CADPS2: variants seen among roughly 807,000 people sequenced by gnomAD.
CADPS2 encodes calcium-dependent secretion activator 2.
Under a neutral mutation model 172.5 loss-of-function variants are expected in CADPS2, and 93 were observed. That is an observed-to-expected ratio of 0.54 (90% CI 0.46 to 0.64). The LOEUF (loss-of-function observed/expected upper bound fraction) is 0.64. CADPS2 is among the 30% of genes least tolerant of loss of function. The pLI, the probability that CADPS2 is intolerant of heterozygous loss-of-function variation, is 0.00. For missense variants in CADPS2, 1,420 were observed against 1,565.9 expected (o/e 0.91, Z 1.57); for synonymous variants, 546 against 555.2 (o/e 0.98, Z 0.23).
At chr7:122,855,164 C>T (rs1412353448) in intron 1 of CADPS2, among the ~76,000 whole-genome samples, 1 of 152,130 alleles carries the variant, frequency 6.6e-6, no homozygotes, top group Non-Finnish European at 1.5e-5. Flanking sequence ...AAGAGGGTTG[C>T]TATTTTCCTG....
chr7:122,472,622 A>C (rs1014295492), intron 13 of CADPS2, among the ~76,000 whole-genome samples: 5 of 152,196 alleles, frequency 3.3e-5, no homozygotes, highest in Non-Finnish European at 7.3e-5. Flanking sequence ...GGTCAACAAC[A>C]AAATCAAAAC....
At chr7:122,698,779 T>C in intron 2 of CADPS2, 5 of 1,613,998 alleles carry the variant, frequency 3.1e-6, no homozygotes, top group Non-Finnish European at 4.2e-6. Context: ...ATTCCCAACA[T>C]GAAATGATAT....
At chr7:122,509,198 C>A (rs897601076) in intron 9 of CADPS2, among the ~76,000 whole-genome samples, 1 of 152,056 alleles carries the variant, frequency 6.6e-6, no homozygotes, top group Non-Finnish European at 1.5e-5. Context: ...CTGAATATTT[C>A]AGAAATCAAT....
At chr7:122,697,891 G>A in intron 2 of CADPS2, 1 of 1,613,338 alleles carries the variant, frequency 6.2e-7, no homozygotes, top group South Asian at 1.1e-5. Flanking sequence ...TGAGGTTCCT[G>A]CAGGAGAAAC....
intron 3 of CADPS2, among the ~76,000 whole-genome samples, chr7:122,661,797 A>G (rs1588214113): frequency 1.3e-5 from 2 of 152,194 alleles, no homozygotes; most frequent in African/African-American, 4.8e-5. Context: ...AGCTCAACAA[A>G]TATCTACTGA....
intron 8 of CADPS2, among the ~76,000 whole-genome samples, chr7:122,533,747 C>G (rs1157220889): frequency 6.6e-6 from 1 of 152,072 alleles, no homozygotes; most frequent in African/African-American, 2.4e-5. Flanking sequence ...TTAAACGATT[C>G]TCAATATGTA....
intron 4 of CADPS2, among the ~76,000 whole-genome samples, chr7:122,625,742 T>A (rs1488232199): frequency 2.0e-5 from 3 of 152,038 alleles, no homozygotes; most frequent in African/African-American, 7.2e-5. Context: ...AGCCAATTCC[T>A]TGAACGCAAT....
At chr7:122,809,776 A>G (rs1233774554) in intron 1 of CADPS2, among the ~76,000 whole-genome samples, 6 of 152,170 alleles carry the variant, frequency 3.9e-5, no homozygotes, top group African/African-American at 1.2e-4. Context: ...CCTGGAATGT[A>G]TAAGTTCATG....
chr7:122,708,461 G>GATATAT (rs3034549), intron 2 of CADPS2, among the ~76,000 whole-genome samples: 45 of 128,202 alleles, frequency 3.5e-4, no homozygotes, highest in African/African-American at 1.1e-3. Context: ...TATGTGTGTG[G>GATATAT]ATATATATAT....
At chr7:122,461,663 C>T (rs1035288522) in intron 14 of CADPS2, among the ~76,000 whole-genome samples, 13 of 152,202 alleles carry the variant, frequency 8.5e-5, no homozygotes, top group Non-Finnish European at 5.9e-5. Flanking sequence ...GGCGCCATCT[C>T]GGCTCACTGC....
intron 6 of CADPS2, among the ~76,000 whole-genome samples, chr7:122,614,491 GA>G (rs538782412): frequency 1.8e-4 from 28 of 151,808 alleles, no homozygotes; most frequent in African/African-American, 4.6e-4. Context: ...TTAAATAGAA[GA>G]AAAAAAATGT....
At chr7:122,366,558 T>C (rs1180546542) in intron 25 of CADPS2, among the ~76,000 whole-genome samples, 1 of 148,380 alleles carries the variant, frequency 6.7e-6, no homozygotes, top group Non-Finnish European at 1.5e-5. Flanking sequence ...TGAGTCGAGA[T>C]TGCGCCACTG....
At chr7:122,730,251 A>AAAT (rs879944887) in intron 2 of CADPS2, among the ~76,000 whole-genome samples, 3 of 151,736 alleles carry the variant, frequency 2.0e-5, no homozygotes, top group Non-Finnish European at 4.4e-5. Flanking sequence ...CACTAATAGC[A>AAAT]AATAATAATA....
intron 27 of CADPS2, among the ~76,000 whole-genome samples, chr7:122,350,502 TA>T (rs1010303775): frequency 6.6e-6 from 1 of 152,192 alleles, no homozygotes; most frequent in Non-Finnish European, 1.5e-5. Context: ...TGTTCTCACA[TA>T]AAAAAGGTTT....
intron 1 of CADPS2, chr7:122,850,195 C>A: frequency 3.6e-6 from 4 of 1,098,220 alleles, no homozygotes; most frequent in Non-Finnish European, 4.9e-6. Flanking sequence ...TGATAGAGTA[C>A]CCTGAGGCTA....
chr7:122,491,673 A>T (rs1468798592), intron 9 of CADPS2, among the ~76,000 whole-genome samples: 2 of 152,150 alleles, frequency 1.3e-5, no homozygotes, highest in African/African-American at 4.8e-5. Flanking sequence ...TCAAGCTTCT[A>T]TATTAATAGA....
intron 1 of CADPS2, among the ~76,000 whole-genome samples, chr7:122,841,169 T>C (rs1349342198): frequency 6.6e-6 from 1 of 152,144 alleles, no homozygotes; most frequent in Non-Finnish European, 1.5e-5. Flanking sequence ...AGTCAAACTA[T>C]CAAATTTGTT....
chr7:122,398,571 G>A (rs1419546672), intron 20 of CADPS2, among the ~76,000 whole-genome samples: 2 of 152,134 alleles, frequency 1.3e-5, no homozygotes, highest in Non-Finnish European at 2.9e-5. Flanking sequence ...TCAACCCTGA[G>A]CAATGCAAGC....
chr7:122,347,967 A>C (rs1034951022), intron 27 of CADPS2, among the ~76,000 whole-genome samples: 3 of 152,200 alleles, frequency 2.0e-5, no homozygotes, highest in African/African-American at 7.2e-5. Flanking sequence ...ATAGCAAGTT[A>C]ACTCAGTATC....
Sources: allele counts gnomAD v4.1 joint callset (sites outside exome capture counted in the v4.1 genomes callset), GRCh38; gene constraint gnomAD v4.1.1; transcripts MANE v1.5; gene names NCBI Gene and HGNC (gene_info 2026-07-23, HGNC 2026-07-21).